CASKIN1: variants seen among roughly 807,000 people sequenced by gnomAD.
CASKIN1 encodes the protein CASK interacting protein 1.
Under a neutral mutation model 117.5 loss-of-function variants are expected in CASKIN1, and 42 were observed. The observed-to-expected ratio is 0.36, with a 90% confidence interval of 0.28 to 0.46. The LOEUF is 0.46. Ranked by LOEUF, CASKIN1 falls within the 20% of genes least tolerant of loss-of-function variation. The pLI is 1.00. For missense variants in CASKIN1, 2,083 were observed against 2,077.3 expected (o/e 1.00, Z -0.05); for synonymous variants, 1,148 against 961.7 (o/e 1.19, Z -3.59).
intron 1 of CASKIN1, among the ~76,000 whole-genome samples, chr16:2,194,875 C>T (rs866430245): frequency 6.6e-5 from 10 of 152,212 alleles, no homozygotes; most frequent in Non-Finnish European, 8.8e-5. Context: ...TCCAAGACTG[C>T]GGTCATTGCT....
Position 2,189,449 on chromosome 16 carries a change from G to A in CASKIN1, c.360C>T (p.His120=). The change falls in exon 4 of 20, where the codon CAC becomes CAT. Residue 120 remains histidine, a synonymous_variant. Transcript: ENST00000343516. ...CATAGTGACCATGCTGGGCCGCCAG[G>A]TGCAGGGGGATGTGGCCCTCATCAG... is the stretch of plus-strand genomic sequence containing the variant. ...IPSDEGHIPL[H]LAAQHGHYDV... 6.2e-7 allele frequency: 1 copy of A among 1,612,122 alleles called. No homozygotes were observed. The highest frequency in any genetic ancestry group is 8.5e-7 in the Non-Finnish European group (1 of 1,179,736).
At chr16:2,189,671 G>A (rs2141325046) in intron 3 of CASKIN1, 107 bp from the exon 4 acceptor site, 1 of 1,130,156 alleles carries the variant, frequency 8.8e-7, no homozygotes, top group Non-Finnish European at 1.2e-6. Flanking sequence ...AACCCTGGGG[G>A]GTGGGAGGGC....
chr16:2,187,188 C>T lies in CASKIN1; in HGVS notation c.813G>A (p.Arg271=). 1 of 1,614,028 alleles carries T rather than the reference C, an allele frequency of 6.2e-7. No individual in the cohort carries two copies. The highest frequency in any genetic ancestry group is 8.5e-7 in the Non-Finnish European group (1 of 1,179,986). ...VHQFTTSQAS[R]EIKQLLREAS... ...CACCTCGCAACAGCTGCTTGATCTC[C>T]CTGCTGGCCTGGGACGTGGTGAACT... The change falls in exon 8 of 20, where the codon AGG becomes AGA. Residue 271 remains arginine, a synonymous_variant. Coordinates refer to ENST00000343516, the MANE Select transcript of CASKIN1 (RefSeq NM_020764.4).
At chr16:2,187,329 A>G in intron 7 of CASKIN1, 24 bp downstream of exon 7, 5 of 1,613,316 alleles carry the variant, frequency 3.1e-6, no homozygotes, top group Non-Finnish European at 4.2e-6. Context: ...CACTGGGCCC[A>G]GCGCCCCTGG....
Position 2,189,175 on chromosome 16 carries a change from G to A in CASKIN1, c.487-18C>T. 1.2e-6 allele frequency: 2 copies of A among 1,612,660 alleles called. No homozygotes were observed. The highest frequency in any genetic ancestry group is 2.2e-5 in the South Asian group (2 of 91,058). ...TGGACCACCTTGAAGGAGGGGTCAGGGTAGGGGGGTCCTGATGTGGGGCTC... is the reference window on the plus strand; with the variant it reads ...TGGACCACCTTGAAGGAGGGGTCAGAGTAGGGGGGTCCTGATGTGGGGCTC... On this transcript the variant is annotated intron_variant, in intron 5 of 19. Coordinates refer to ENST00000343516, the MANE Select transcript of CASKIN1 (RefSeq NM_020764.4).
chr16:2,181,974 C>T (rs561661193), intron 16 of CASKIN1, 45 bp from the exon 17 acceptor site: 1 of 1,606,438 alleles, frequency 6.2e-7, no homozygotes, highest in South Asian at 1.1e-5. Context: ...TGGCTGCCCG[C>T]ACCCTGCCCA....
rs1189446948 is a variant in CASKIN1, at chr16:2,180,437, C to T, written c.2931G>A (p.Leu977=). 1.3e-6 allele frequency: 2 copies of T among 1,565,510 alleles called. No individual in the cohort carries two copies. The highest frequency in any genetic ancestry group is 2.7e-5 in the African/African-American group (2 of 74,148). ...VPDAEPEDGL[L]GVRAQCRRAS... ...CCCGCCGGCACTGTGCCCGGACCCC[C>T]AGCAGGCCATCCTCAGGCTCGGCGT... The change falls in exon 18 of 20, where the codon CTG becomes CTA. Residue 977 remains leucine, a synonymous_variant. Transcript: ENST00000343516.
Position 2,190,157 on chromosome 16 carries a change from G to A in CASKIN1, c.160C>T (p.His54Tyr). The part of the protein sequence containing the change: ...FQDPDGFSAL[H>Y]HAALNGNTEL... The stretch of plus-strand genomic sequence containing the variant: ...GTGTTGCCGTTCAGGGCCGCATGGT[G>A]CAGAGCCGAGAAGCTGGCACGTGCA... Residue 54 changes from histidine (H) to tyrosine (Y), a missense_variant, in exon 3 of 20, where the codon CAC (histidine) becomes TAC (tyrosine). His to Tyr is a moderately conservative substitution (Grantham distance 83). This residue lies in a region of CASKIN1 where 203 missense variants were observed against 338.7 expected (regional missense o/e 0.60). Transcript: ENST00000343516. 6.2e-7 allele frequency: 1 copy of A among 1,613,050 alleles called. No homozygotes were observed. The highest frequency in any genetic ancestry group is 8.5e-7 in the Non-Finnish European group (1 of 1,179,928).
chr16:2,191,086 G>A (rs995535044), intron 1 of CASKIN1, among the ~76,000 whole-genome samples: 9 of 152,190 alleles, frequency 5.9e-5, no homozygotes, highest in Non-Finnish European at 1.2e-4. Context: ...GAAGCCCACC[G>A]ATGCCCTCCC....
rs1434679188 is a variant in CASKIN1, at chr16:2,180,966, G to A, written c.2402C>T (p.Thr801Met). ...CTGCGGGGTGGGCTTCACCTTGGCC[G>A]TAGCTGGGGCTGGACCATGAGGTCC... is the stretch of plus-strand genomic sequence containing the variant. ...LGGPHGPAPA[T>M]AKVKPTPQLL... The change falls in exon 18 of 20, where the codon ACG becomes ATG. Residue 801 changes from threonine (T) to methionine (M), a missense_variant. Physicochemically the swap from Thr to Met is moderately conservative, Grantham distance 81. Coordinates refer to ENST00000343516, the MANE Select transcript of CASKIN1 (RefSeq NM_020764.4). The A allele has an allele frequency of 1.2e-5, 17 of 1,466,592 alleles. No individual in the cohort carries two copies. Among genetic ancestry groups the A allele is most frequent in the South Asian group, 1.5e-5 (1 of 68,636 alleles). The allele number at this position is 1,466,592 out of a possible 1,614,324, so 90.8% of individuals were successfully genotyped here. A position where few individuals can be genotyped will look rare whatever the true frequency, so the allele number is the denominator to read the frequency against.
intron 10 of CASKIN1, 124 bp from the exon 11 acceptor site, chr16:2,185,532 G>A (rs2093181464): frequency 2.6e-6 from 2 of 778,648 alleles, no homozygotes; most frequent in Admixed American, 6.1e-5. Context: ...TTGTCTCCAG[G>A]GAGCTGATAG....
Position 2,180,783 on chromosome 16 carries a change from G to A in CASKIN1, c.2585C>T (p.Thr862Ile). The change falls in exon 18 of 20, where the codon ACA becomes ATA. Residue 862 changes from threonine to isoleucine, a missense_variant. Around this residue, in one of 3 missense-constraint regions of CASKIN1, gnomAD observed 1,818 missense variants for 1,688.9 expected, o/e 1.08. Transcript: ENST00000343516. Reference protein sequence around the residue: ...APPPVPTAVPTLCLPPEADAE... With the variant: ...APPPVPTAVPILCLPPEADAE... The stretch of plus-strand genomic sequence containing the variant: ...GTCGGCCTCAGGGGGCAGGCACAGT[G>A]TGGGCACAGCCGTCGGCACGGGTGG... 1 of 1,419,116 alleles carries A rather than the reference G, an allele frequency of 7.0e-7. No homozygotes were observed. Among genetic ancestry groups the A allele is most frequent in the Non-Finnish European group, 9.1e-7 (1 of 1,095,212 alleles). 87.9% of individuals were successfully genotyped at this position (1,419,116 alleles called of 1,614,324 possible). A position where few individuals can be genotyped will look rare whatever the true frequency, so the allele number is the denominator to read the frequency against.
At position 2,182,857 on chromosome 16, in the gene CASKIN1, C is replaced by T. The variant is rs2093172403; in HGVS notation, c.1629+789G>A. 6.6e-6 allele frequency among the ~76,000 whole-genome samples: 1 copy of T among 152,264 alleles called. No homozygotes were observed. The highest frequency in any genetic ancestry group is 2.1e-4 in the South Asian group (1 of 4,832). ...CCAGGCTGGAGTGCAGTGGCGCAAT[C>T]TCGGCTCACTGCAAGCTCCGCCTCC... On this transcript the variant is annotated intron_variant, in intron 16 of 19. Coordinates refer to ENST00000343516, the MANE Select transcript of CASKIN1 (RefSeq NM_020764.4). This position sits in a 1 kb window ranked among gnomAD's most constrained non-coding sequence, Gnocchi z 4.1.
intron 3 of CASKIN1, 105 bp from the exon 4 acceptor site, chr16:2,189,669 G>T (rs2093195414): frequency 8.9e-7 from 1 of 1,128,712 alleles, no homozygotes; most frequent in South Asian, 1.6e-5. Context: ...CCAACCCTGG[G>T]GGGTGGGAGG....
intron 3 of CASKIN1, 52 bp downstream of exon 3, chr16:2,190,021 C>G: frequency 6.8e-7 from 1 of 1,480,916 alleles, no homozygotes. Flanking sequence ...CTGGGGAGCC[C>G]CCCTCGCTGC....
rs2093146879 is a variant in CASKIN1 at position 2,177,861 on chromosome 16, C to G, written c.*689G>C. The G allele has an allele frequency of 3.4e-6, 1 of 291,108 alleles. No homozygotes were observed. Among genetic ancestry groups the G allele is most frequent in the Non-Finnish European group, 6.6e-6 (1 of 152,020 alleles). 18.0% of individuals were successfully genotyped at this position (291,108 alleles called of 1,614,324 possible). A position where few individuals can be genotyped will look rare whatever the true frequency, so the allele number is the denominator to read the frequency against. On this transcript the variant is annotated 3_prime_UTR_variant, in exon 20 of 20. Transcript: ENST00000343516. Reference sequence around the variant, plus strand: ...AAGCACGGAGGAGCCCCCGGCAGAGCACCCGCCCCCGGGCCCCAGCCTTCC... The same window carrying G: ...AAGCACGGAGGAGCCCCCGGCAGAGGACCCGCCCCCGGGCCCCAGCCTTCC...
rs767121504 is a variant in CASKIN1 at position 2,186,781 on chromosome 16, T to C, written c.974A>G (p.His325Arg). 6.2e-7 allele frequency: 1 copy of C among 1,613,030 alleles called. No individual in the cohort carries two copies. Among genetic ancestry groups the C allele is most frequent in the Non-Finnish European group, 8.5e-7 (1 of 1,179,968 alleles). ...CCGGTCATTGCCCGTCCGGTTGTCA[T>C]GGATGCAGCCCTTCCACCGGCCATC... ...HPDGRWKGCI[H>R]DNRTGNDRVG... Residue 325 changes from histidine (H) to arginine (R), a missense_variant, in exon 10 of 20, where the codon CAT (histidine) becomes CGT (arginine). This residue lies in a region of CASKIN1 where 1,818 missense variants were observed against 1,688.9 expected (regional missense o/e 1.08). Coordinates refer to ENST00000343516, the MANE Select transcript of CASKIN1 (RefSeq NM_020764.4).
In CASKIN1 at chr16:2,180,605, CCTCA is replaced by C; in HGVS notation, c.2759_2762del (p.Val920GlyfsTer81). 6.4e-7 allele frequency: 1 copy of C among 1,572,750 alleles called. No individual in the cohort carries two copies. Among genetic ancestry groups the C allele is most frequent in the Non-Finnish European group, 8.6e-7 (1 of 1,166,664 alleles). ...CGTTCTTGTCGGCACCTGCGGGCGCCCTCACTGAGTGGCTGCGGCCCACGCGCCG... is the reference window on the plus strand; with the variant it reads ...CGTTCTTGTCGGCACCTGCGGGCGCCCTGAGTGGCTGCGGCCCACGCGCCG... On this transcript the variant is annotated frameshift_variant, in exon 18 of 20. Coordinates refer to ENST00000343516, the MANE Select transcript of CASKIN1 (RefSeq NM_020764.4). LOFTEE classifies it high-confidence loss of function.
At position 2,196,167 on chromosome 16, in the gene CASKIN1, G is replaced by C. The variant is rs2093215406; in HGVS notation, c.94+172C>G. ...GGCTCTCGGGGCCGCCCCATCTCCA[G>C]TGCTGGGGGCAGCGGGTGGAGGGCA... On this transcript the variant is annotated intron_variant, in intron 1 of 19. Transcript: ENST00000343516. The surrounding 1 kb of genome is among the most constrained non-coding windows in gnomAD (Gnocchi z 5.7). Among the ~76,000 whole-genome samples, 1 of 151,844 alleles carries C rather than the reference G, an allele frequency of 6.6e-6. No individual in the cohort carries two copies. The highest frequency in any genetic ancestry group is 1.5e-5 in the Non-Finnish European group (1 of 67,892).
Sources: gnomAD v4.1 joint callset for allele counts (sites outside exome capture counted in the v4.1 genomes callset) on GRCh38, gnomAD v4.1.1 for gene constraint, gnomAD v4.1.1 regional missense constraint, Gnocchi (gnomAD v3.1) non-coding constraint, MANE v1.5 for transcripts, NCBI Gene and HGNC (gene_info 2026-07-23, HGNC 2026-07-21) for gene names.